Variants in WWC2 observed in about 807,000 individuals in gnomAD.
The protein encoded by WWC2 is protein WWC2.
WWC2 carries 101 observed loss-of-function variants against 138.5 expected under a neutral mutation model. That is an observed-to-expected ratio of 0.73 (90% CI 0.62 to 0.86). The LOEUF (loss-of-function observed/expected upper bound fraction) is 0.86. Ranked by LOEUF, WWC2 falls within the 40% of genes least tolerant of loss-of-function variation. The probability of loss-of-function intolerance (pLI) is 0.00; values close to 1 mark genes in which losing one functional copy is unlikely to be tolerated. For synonymous variants in WWC2, 558 were observed against 538.4 expected (o/e 1.04, Z -0.50); for missense variants, 1,420 against 1,419.4 (o/e 1.00, Z -0.01).
At chr4:183,140,738 A>C (rs1733276540) in intron 1 of WWC2, among the ~76,000 whole-genome samples, 1 of 152,228 alleles carries the variant, frequency 6.6e-6, no homozygotes, top group Non-Finnish European at 1.5e-5. Flanking sequence ...GGAAAAGGAA[A>C]AATTCATTTA....
chr4:183,217,923 G>GAA (rs199904397), intron 4 of WWC2, among the ~76,000 whole-genome samples: 4 of 149,484 alleles, frequency 2.7e-5, no homozygotes, highest in Non-Finnish European at 3.0e-5. Context: ...AAGGCAGAAT[G>GAA]AAAAAAAAAG....
intron 21 of WWC2, among the ~76,000 whole-genome samples, chr4:183,293,137 TAG>T (rs1178155285): frequency 6.6e-6 from 1 of 152,202 alleles, no homozygotes; most frequent in Non-Finnish European, 1.5e-5. Context: ...GTATTTTTAG[TAG>T]AGACAGGGTT....
At chr4:183,099,880 G>A (rs866316133) in intron 1 of WWC2, among the ~76,000 whole-genome samples, 1 of 152,180 alleles carries the variant, frequency 6.6e-6, no homozygotes, top group African/African-American at 2.4e-5. Context: ...GACGCCGCGC[G>A]CCAGGCTAAC....
At chr4:183,154,333 T>C (rs1209134332) in intron 1 of WWC2, among the ~76,000 whole-genome samples, 4 of 152,192 alleles carry the variant, frequency 2.6e-5, no homozygotes. Flanking sequence ...AGTCAAAGGC[T>C]TATTATGAGC....
intron 1 of WWC2, among the ~76,000 whole-genome samples, chr4:183,175,946 C>T (rs1009057020): frequency 1.3e-5 from 2 of 152,200 alleles, no homozygotes; most frequent in Non-Finnish European, 2.9e-5. Flanking sequence ...TTTCCCAGCC[C>T]ACCTCACTTC....
chr4:183,123,778 A>G (rs1166013006), intron 1 of WWC2, among the ~76,000 whole-genome samples: 5 of 152,122 alleles, frequency 3.3e-5, no homozygotes, highest in African/African-American at 9.7e-5. Flanking sequence ...TTACACTATT[A>G]ATATGATGAA....
At chr4:183,162,074 A>G (rs767899143) in intron 1 of WWC2, among the ~76,000 whole-genome samples, 5 of 152,218 alleles carry the variant, frequency 3.3e-5, no homozygotes, top group Non-Finnish European at 5.9e-5. Flanking sequence ...AAAATTGTTG[A>G]TAGTGAATCC....
rs1735980629 is a variant in WWC2, at chr4:183,223,257, CTG to C, written c.522+14235_522+14236del. 2.6e-5 allele frequency among the ~76,000 whole-genome samples: 4 copies of C among 152,236 alleles called. No individual in the cohort carries two copies. The South Asian group carries it at 8.3e-4, about 32-fold the overall frequency. On this transcript the variant is annotated intron_variant, in intron 4 of 22. Coordinates refer to ENST00000403733, the MANE Select transcript of WWC2 (RefSeq NM_024949.6). ...CTATCTGGTTCTGTGTAAGTGTACT[CTG>C]TGATATTCACGTGATAGCAGAATTG...
rs141827504 is a variant in WWC2, at chr4:183,143,995, C to T, written c.131+44373C>T. Among the ~76,000 whole-genome samples, 197 of 152,080 alleles carry T rather than the reference C, an allele frequency of 1.3e-3. 1 individual carries two copies. The highest frequency in any genetic ancestry group is 4.4e-3 in the African/African-American group (181 of 41,494). On this transcript the variant is annotated intron_variant, in intron 1 of 22. Coordinates refer to ENST00000403733, the MANE Select transcript of WWC2 (RefSeq NM_024949.6). ...ATGAACTCTTTTCTAACAGAAAGGC[C>T]AAACTACTAGTGAATATGAAATTAA...
rs575045233 is a variant in WWC2 at position 183,173,977 on chromosome 4, C to T, written c.132-19622C>T. 4.6e-5 allele frequency among the ~76,000 whole-genome samples: 7 copies of T among 152,218 alleles called. No individual in the cohort carries two copies. In the East Asian group the frequency reaches 1.4e-3, roughly 29 times the overall value. On this transcript the variant is annotated intron_variant, in intron 1 of 22. Transcript: ENST00000403733. ...CTTAGCATTTCTGTTAAGGCACTCC[C>T]AGATGTTAATGTCAGTAGATCTTTT... is the stretch of plus-strand genomic sequence containing the variant.
intron 9 of WWC2, among the ~76,000 whole-genome samples, chr4:183,258,138 C>G (rs1201713231): frequency 1.3e-5 from 2 of 152,162 alleles, no homozygotes; most frequent in African/African-American, 4.8e-5. Flanking sequence ...TTTAAAACTT[C>G]CTTCCGAAGT....
At chr4:183,101,866 G>C (rs1312466646) in intron 1 of WWC2, among the ~76,000 whole-genome samples, 1 of 152,156 alleles carries the variant, frequency 6.6e-6, no homozygotes, top group Non-Finnish European at 1.5e-5. Flanking sequence ...CATTTAATTA[G>C]AATGGTCACG....
rs1295540054 is a variant in WWC2 at position 183,240,253 on chromosome 4, C to T, written c.593C>T (p.Thr198Ile). 3.9e-6 allele frequency: 6 copies of T among 1,551,472 alleles called. No homozygotes were observed. Among genetic ancestry groups the T allele is most frequent in the Non-Finnish European group, 4.4e-6 (5 of 1,147,296 alleles). Residue 198 changes from threonine (T) to isoleucine (I), a missense_variant, in exon 5 of 23, where the codon ACA (threonine) becomes ATA (isoleucine). Physicochemically the swap from Thr to Ile is moderately conservative, Grantham distance 89. Transcript: ENST00000403733. ...CTCTATAAAGAACAAGGCTTTGAAA[C>T]ATTGCAGCAGTGAGTATGAAAAGAC... is the stretch of plus-strand genomic sequence containing the variant. ...ELLYKEQGFE[T>I]LQQIDKKMSG...
intron 7 of WWC2, among the ~76,000 whole-genome samples, chr4:183,249,245 A>C (rs574842423): frequency 1.3e-5 from 2 of 152,284 alleles, no homozygotes; most frequent in South Asian, 4.1e-4. Context: ...CTAATAAGAA[A>C]ACTTGTTTTT....
intron 2 of WWC2, among the ~76,000 whole-genome samples, chr4:183,194,068 A>G (rs1443009147): frequency 1.3e-5 from 2 of 152,108 alleles, no homozygotes; most frequent in African/African-American, 2.4e-5. Flanking sequence ...TGTGTTTGCC[A>G]CAGAAAGACT....
chr4:183,204,304 G>A (rs182735076), intron 2 of WWC2, among the ~76,000 whole-genome samples: 31 of 152,272 alleles, frequency 2.0e-4, no homozygotes, highest in African/African-American at 6.7e-4. Flanking sequence ...AGAAAGACCC[G>A]AGAATACCAG....
At chr4:183,254,066 TC>T in intron 9 of WWC2, 67 bp downstream of exon 9, 1 of 1,550,972 alleles carries the variant, frequency 6.4e-7, no homozygotes, top group South Asian at 1.3e-5. Flanking sequence ...GATACTATTT[TC>T]CCTGGGTTTG....
chr4:183,238,390 G>T (rs1380055543), intron 4 of WWC2, among the ~76,000 whole-genome samples: 1 of 152,142 alleles, frequency 6.6e-6, no homozygotes, highest in Admixed American at 6.6e-5. Context: ...TGGCACTTCT[G>T]CTCAGTCCCC....
At chr4:183,258,754 A>C (rs1209488094) in intron 9 of WWC2, among the ~76,000 whole-genome samples, 1 of 152,210 alleles carries the variant, frequency 6.6e-6, no homozygotes, top group Admixed American at 6.5e-5. Flanking sequence ...TGCAGCTAGT[A>C]AGCTGCAAAT....
Sources: allele counts gnomAD v4.1 joint callset (sites outside exome capture counted in the v4.1 genomes callset), GRCh38; gene constraint gnomAD v4.1.1; transcripts MANE v1.5; gene names NCBI Gene and HGNC (gene_info 2026-07-23, HGNC 2026-07-21).